Variants in SFTPD observed in about 807,000 individuals in gnomAD.
The protein encoded by SFTPD is surfactant protein D, also known as pulmonary surfactant-associated protein D.
In SFTPD, 18 loss-of-function variants were observed where a neutral mutation model predicts 34.6. That is an observed-to-expected ratio of 0.52 (90% confidence interval 0.36 to 0.77). SFTPD has a LOEUF of 0.77. Among genes scored for constraint, SFTPD ranks in the 30% least tolerant of loss-of-function variants. SFTPD has a pLI of 0.00. For missense variants in SFTPD, 433 were observed against 468.9 expected, an observed-to-expected ratio of 0.92 and a Z score of 0.71; for synonymous variants, 155 against 180.9, an observed-to-expected ratio of 0.86 and a Z score of 1.15.
chr10:79,977,423 G>C (rs1458717548), intron 1 of SFTPD, among the ~76,000 whole-genome samples: 4 of 152,086 alleles, frequency 2.6e-5, no homozygotes, highest in African/African-American at 9.7e-5. Context: ...GTTTCATTTA[G>C]TTCAAGCAAG....
chr10:79,970,253 C>T (rs925732422), intron 1 of SFTPD: 1 of 149,876 alleles, frequency 6.7e-6, no homozygotes, highest in African/African-American at 2.5e-5. Context: ...ATGCCAGTAC[C>T]ATGCTGTTTT....
At position 79,962,977 on chromosome 10, in the gene SFTPD, A is replaced by G. The variant is rs12572896; in HGVS notation, c.37-16315T>C. Among the ~76,000 whole-genome samples the G allele has an allele frequency of 0.033, 4,995 of 152,226 alleles. 556 individuals are homozygous for G. In the East Asian group the frequency reaches 0.38, roughly 12 times the overall value. ...CTCTATTCTATCTGTGTATATATCTATCTATCATTTATCTATCAGTCTACC... is the reference window on the plus strand; with the variant it reads ...CTCTATTCTATCTGTGTATATATCTGTCTATCATTTATCTATCAGTCTACC... On this transcript the variant is annotated intron_variant, in intron 1 of 5. Coordinates refer to the SFTPD transcript ENST00000444384.
At position 79,946,665 on chromosome 10, in the gene SFTPD, G is replaced by A; in HGVS notation, c.-3-3C>T. 4 of 1,613,458 alleles carry A rather than the reference G, an allele frequency of 2.5e-6. No homozygotes were observed. Among genetic ancestry groups the A allele is most frequent in the Non-Finnish European group, 2.5e-6 (3 of 1,179,580 alleles). ...GAGAGGAGGAAGAGCAGCATGGCCT[G>A]GAGAGGTGAACAGAAAGAGAAAAGA... On this transcript the variant is annotated splice_region_variant and splice_polypyrimidine_tract_variant and intron_variant, in intron 1 of 7. Coordinates refer to ENST00000372292, the MANE Select transcript of SFTPD (RefSeq NM_003019.5).
chr10:79,975,921 A>T (rs188346857), intron 1 of SFTPD, among the ~76,000 whole-genome samples: 16 of 152,330 alleles, frequency 1.1e-4, no homozygotes, highest in African/African-American at 3.8e-4. Context: ...GCGGTTTTCC[A>T]CCCTGGGTGG....
chr10:79,938,676 C>A (rs1842581551), intron 7 of SFTPD, among the ~76,000 whole-genome samples: 1 of 152,172 alleles, frequency 6.6e-6, no homozygotes, highest in African/African-American at 2.4e-5. Context: ...AAAACACCTG[C>A]AGTTAGCCCA....
At chr10:79,946,435 A>G in intron 2 of SFTPD, 26 bp downstream of exon 2, 1 of 1,557,700 alleles carries the variant, frequency 6.4e-7, no homozygotes, top group South Asian at 1.1e-5. Context: ...CCTCCCCAGC[A>G]GGATAAGCCC....
chr10:79,965,389 T>A (rs1287681074), intron 1 of SFTPD, among the ~76,000 whole-genome samples: 1 of 151,926 alleles, frequency 6.6e-6, no homozygotes, highest in Non-Finnish European at 1.5e-5. Context: ...CCACAAAATC[T>A]TCCTTCAGCT....
intron 1 of SFTPD, among the ~76,000 whole-genome samples, chr10:79,959,587 T>C (rs1048227802): frequency 6.6e-5 from 10 of 152,146 alleles, no homozygotes; most frequent in African/African-American, 2.4e-4. Flanking sequence ...CTCCCAAGAC[T>C]AAACCAGGAA....
Position 79,942,487 on chromosome 10 carries a change from C to T in SFTPD, c.334G>A (p.Gly112Ser), listed in dbSNP as rs370352980. Residue 112 changes from glycine to serine, a missense_variant, in exon 4 of 8, where the codon GGT becomes AGT. Gly to Ser is a moderately conservative substitution (Grantham distance 56). Coordinates refer to ENST00000372292, the MANE Select transcript of SFTPD (RefSeq NM_003019.5). ...TGPSGPPGPPGVPGPAGREGP... is the reference protein window; with the variant it reads ...TGPSGPPGPPSVPGPAGREGP... ...TCTCTTCCAGCTGGACCAGGCACAC[C>T]GGGAGGTCCTGGAGGTCCTGAGCAA... The T allele has an allele frequency of 5.3e-5, 85 of 1,612,868 alleles. No individual in the cohort carries two copies. Among genetic ancestry groups the T allele is most frequent in the East Asian group, 1.6e-4 (7 of 44,842 alleles).
chr10:79,944,576 A>G (rs558602870), intron 2 of SFTPD, among the ~76,000 whole-genome samples: 30 of 152,262 alleles, frequency 2.0e-4, no homozygotes, highest in African/African-American at 7.0e-4. Flanking sequence ...TAGGGGTGGC[A>G]GCACCAAATT....
chr10:79,970,408 G>T (rs544135339), intron 1 of SFTPD: 1 of 152,184 alleles, frequency 6.6e-6, no homozygotes, highest in South Asian at 2.1e-4. Flanking sequence ...CTTCTGTGAA[G>T]AATAGCTCAT....
chr10:79,961,162 C>T (rs1414111503), intron 1 of SFTPD, among the ~76,000 whole-genome samples: 14 of 152,172 alleles, frequency 9.2e-5, no homozygotes, highest in Non-Finnish European at 1.5e-5. Context: ...GGATTAAAGA[C>T]TTGCATGTTA....
chr10:79,981,386 A>C (rs7903576), intron 1 of SFTPD, among the ~76,000 whole-genome samples: 1 of 152,106 alleles, frequency 6.6e-6, no homozygotes, highest in South Asian at 2.1e-4. Context: ...AATCAGAGTA[A>C]AAAGTTTATT....
At position 79,938,021 on chromosome 10, in the gene SFTPD, G is replaced by C. The variant is rs898817112; in HGVS notation, c.959C>G (p.Thr320Arg). 1 of 1,613,990 alleles carries C rather than the reference G, an allele frequency of 6.2e-7. No individual in the cohort carries two copies. The highest frequency in any genetic ancestry group is 1.1e-5 in the South Asian group (1 of 91,084). Reference protein sequence around the residue: ...AAFLSMTDSKTEGKFTYPTGE... With the variant: ...AAFLSMTDSKREGKFTYPTGE... ...TGTGGGGTAGGTGAACTTGCCCTCT[G>C]TCTTGGAATCAGTCATGCTCAGGAA... The change falls in exon 8 of 8, where the codon ACA (threonine) becomes AGA (arginine). Residue 320 changes from threonine (T) to arginine (R), a missense_variant. By Grantham distance (71) the Thr-to-Arg change is moderately conservative. Transcript: ENST00000372292.
At chr10:79,977,790 C>CTT (rs150071836) in intron 1 of SFTPD, among the ~76,000 whole-genome samples, 1 of 151,498 alleles carries the variant, frequency 6.6e-6, no homozygotes, top group African/African-American at 2.4e-5. Flanking sequence ...AGATTTACTT[C>CTT]TTTTTTTTCC....
intron 1 of SFTPD, among the ~76,000 whole-genome samples, chr10:79,977,913 C>G (rs1842871677): frequency 6.6e-6 from 1 of 152,162 alleles, no homozygotes; most frequent in African/African-American, 2.4e-5. Flanking sequence ...TTTCATTTAA[C>G]CTGTTCTCCA....
At chr10:79,940,940 GC>G in intron 6 of SFTPD, 152 bp from the exon 7 acceptor site, 1 of 599,840 alleles carries the variant, frequency 1.7e-6, no homozygotes, top group Non-Finnish European at 3.0e-6. Flanking sequence ...GCTGGCCTCT[GC>G]TGTGTAAGGA....
chr10:79,964,777 A>G (rs530657326), intron 1 of SFTPD, among the ~76,000 whole-genome samples: 5 of 152,176 alleles, frequency 3.3e-5, no homozygotes, highest in African/African-American at 1.2e-4. Flanking sequence ...GCCCCTGCCC[A>G]GGTCTGGCAA....
intron 1 of SFTPD, among the ~76,000 whole-genome samples, chr10:79,955,857 A>G (rs1052912058): frequency 6.6e-6 from 1 of 152,228 alleles, no homozygotes; most frequent in African/African-American, 2.4e-5. Context: ...AAAGAGAAAC[A>G]TCTCTACTGC....
Sources: gnomAD v4.1 joint callset for allele counts (sites outside exome capture counted in the v4.1 genomes callset) on GRCh38, gnomAD v4.1.1 for gene constraint, MANE v1.5 for transcripts, NCBI Gene and HGNC (gene_info 2026-07-23, HGNC 2026-07-21) for gene names.